NDUFS4: variants seen among roughly 807,000 people sequenced by gnomAD.
NDUFS4 encodes NADH:ubiquinone oxidoreductase subunit S4.
A neutral mutation model predicts 24.3 loss-of-function variants in NDUFS4; 28 were observed. The ratio of observed to expected loss-of-function variants is 1.15; its 90% CI spans 0.85 to 1.58. The LOEUF (loss-of-function observed/expected upper bound fraction) is 1.58, where lower values mean the gene tolerates loss of function less well. Among genes scored for constraint, NDUFS4 ranks in the 40% most tolerant of loss-of-function variants. The probability of loss-of-function intolerance (pLI) is 0.00; values close to 1 mark genes in which losing one functional copy is unlikely to be tolerated. For missense variants in NDUFS4, 223 were observed against 207.9 expected (o/e 1.07, Z -0.45); for synonymous variants, 93 against 69.7 (o/e 1.34, Z -1.67).
chr5:53,632,402 G>A (rs2112491620), intron 2 of NDUFS4, among the ~76,000 whole-genome samples: 1 of 152,288 alleles, frequency 6.6e-6, no homozygotes, highest in South Asian at 2.1e-4. Flanking sequence ...TGCCCAGAGT[G>A]TTCAGCAAAA....
At chr5:53,679,833 A>C (rs189797288) in intron 4 of NDUFS4, among the ~76,000 whole-genome samples, 6 of 152,234 alleles carry the variant, frequency 3.9e-5, no homozygotes, top group African/African-American at 1.4e-4. Context: ...CTTACCTATC[A>C]TTTGGCAAGA....
intron 2 of NDUFS4, among the ~76,000 whole-genome samples, chr5:53,611,406 T>G (rs532009794): frequency 6.6e-6 from 1 of 152,046 alleles, no homozygotes; most frequent in Non-Finnish European, 1.5e-5. Context: ...CCTGGATTAT[T>G]GTTAATAAAG....
chr5:53,678,623 T>A (rs998198920), intron 4 of NDUFS4, among the ~76,000 whole-genome samples: 1 of 152,156 alleles, frequency 6.6e-6, no homozygotes, highest in South Asian at 2.1e-4. Context: ...TATTTTCACT[T>A]CCATATTCCC....
In NDUFS4 at chr5:53,655,113, A is replaced by G. The variant is rs377550206; in HGVS notation, c.351-3438A>G. ...TCAACCTTGGAAATGTGTACAACGT[A>G]TTATTTTGCCAGGCTTAATATTGCT... is the stretch of plus-strand genomic sequence containing the variant. On this transcript the variant is annotated intron_variant, in intron 3 of 4. Transcript: ENST00000296684. Among the ~76,000 whole-genome samples the G allele has an allele frequency of 1.6e-4, 24 of 152,230 alleles. 1 individual carries two copies. Among genetic ancestry groups the G allele is most frequent in the East Asian group, 9.6e-4 (5 of 5,200 alleles).
intron 4 of NDUFS4, among the ~76,000 whole-genome samples, chr5:53,660,964 G>C (rs560659745): frequency 1.3e-5 from 2 of 152,258 alleles, no homozygotes; most frequent in Admixed American, 6.5e-5. Context: ...TGTTCACTCT[G>C]ATGGTAGTTT....
chr5:53,604,808 C>A (rs1262104199), intron 2 of NDUFS4: 1 of 456,248 alleles, frequency 2.2e-6, no homozygotes, highest in Non-Finnish European at 4.4e-6. Flanking sequence ...TGCTTCAAGG[C>A]ATTTGGAGTT....
At chr5:53,578,253 C>T (rs1749448278) in intron 1 of NDUFS4, among the ~76,000 whole-genome samples, 1 of 152,164 alleles carries the variant, frequency 6.6e-6, no homozygotes, top group East Asian at 1.9e-4. Context: ...TTAGTTACTG[C>T]TTGTAAGTGG....
intron 4 of NDUFS4, among the ~76,000 whole-genome samples, chr5:53,672,311 T>G (rs955831244): frequency 2.0e-5 from 3 of 152,164 alleles, no homozygotes; most frequent in African/African-American, 7.2e-5. Context: ...AAATTTATTT[T>G]ACTCATATAA....
At chr5:53,628,540 T>C (rs1454273111) in intron 2 of NDUFS4, among the ~76,000 whole-genome samples, 2 of 152,186 alleles carry the variant, frequency 1.3e-5, no homozygotes, top group African/African-American at 4.8e-5. Context: ...AGGCTATTAT[T>C]GCCCCAATTT....
chr5:53,660,044 A>G (rs770734840), intron 4 of NDUFS4, among the ~76,000 whole-genome samples: 2 of 151,856 alleles, frequency 1.3e-5, no homozygotes, highest in African/African-American at 4.8e-5. Flanking sequence ...TGTGCACAAC[A>G]TGCAGGTTTG....
chr5:53,605,018 G>A (rs892189363), intron 2 of NDUFS4: 17 of 379,638 alleles, frequency 4.5e-5, no homozygotes, highest in African/African-American at 4.2e-5. Flanking sequence ...TCAGGAGTTC[G>A]TGACCAGCTT....
intron 2 of NDUFS4, among the ~76,000 whole-genome samples, chr5:53,645,837 A>G (rs1561383414): frequency 1.3e-5 from 2 of 152,198 alleles, no homozygotes; most frequent in Non-Finnish European, 2.9e-5. Flanking sequence ...ATAAGGATTT[A>G]CTTTTTATAT....
chr5:53,651,587 C>T (rs987101301), intron 3 of NDUFS4, among the ~76,000 whole-genome samples: 6 of 151,298 alleles, frequency 4.0e-5, no homozygotes, highest in South Asian at 4.2e-4. Flanking sequence ...TTTTTTTAAT[C>T]AGGAGAATTA....
intron 1 of NDUFS4, among the ~76,000 whole-genome samples, chr5:53,569,182 A>G (rs570130926): frequency 6.6e-6 from 1 of 152,164 alleles, no homozygotes; most frequent in Non-Finnish European, 1.5e-5. Flanking sequence ...ACTTACAGGA[A>G]TTTGCATGAA....
At chr5:53,657,687 G>A (rs1166952588) in intron 3 of NDUFS4, among the ~76,000 whole-genome samples, 1 of 152,134 alleles carries the variant, frequency 6.6e-6, no homozygotes, top group Non-Finnish European at 1.5e-5. Flanking sequence ...CACTTTGGGA[G>A]GCTGAGGCAG....
chr5:53,622,935 T>G (rs1305780923), intron 2 of NDUFS4, among the ~76,000 whole-genome samples: 1 of 152,202 alleles, frequency 6.6e-6, no homozygotes, highest in African/African-American at 2.4e-5. Context: ...TTCTGTGTTA[T>G]AGCATGTGTC....
At chr5:53,620,112 T>A (rs971656651) in intron 2 of NDUFS4, among the ~76,000 whole-genome samples, 3 of 151,622 alleles carry the variant, frequency 2.0e-5, no homozygotes, top group African/African-American at 7.3e-5. Context: ...CAAGACCCCA[T>A]CTCAAAAAAT....
chr5:53,659,925 T>C (rs1752280635), intron 4 of NDUFS4, among the ~76,000 whole-genome samples: 2 of 152,178 alleles, frequency 1.3e-5, no homozygotes, highest in African/African-American at 4.8e-5. Flanking sequence ...TTAAATGAGT[T>C]AATAAAAGTG....
chr5:53,595,764 TG>T (rs1239237371), intron 1 of NDUFS4, among the ~76,000 whole-genome samples: 2 of 152,184 alleles, frequency 1.3e-5, no homozygotes, highest in African/African-American at 4.8e-5. Context: ...TTTAATCTGT[TG>T]GATGACTCTG....
Sources: allele counts gnomAD v4.1 joint callset (sites outside exome capture counted in the v4.1 genomes callset), GRCh38; gene constraint gnomAD v4.1.1; transcripts MANE v1.5; gene names NCBI Gene and HGNC (gene_info 2026-07-23, HGNC 2026-07-21).